The following HS3ST4 variants were observed in gnomAD, a reference collection of about 807,000 sequenced individuals.
HS3ST4 encodes heparan sulfate glucosamine 3-O-sulfotransferase 4.
Under a neutral mutation model 29.2 loss-of-function variants are expected in HS3ST4, and 17 were observed. The observed-to-expected ratio is 0.58, with a 90% CI of 0.40 to 0.87. The LOEUF is 0.87. Among genes scored for constraint, HS3ST4 ranks in the 40% least tolerant of loss-of-function variants. The pLI, the probability that HS3ST4 is intolerant of heterozygous loss-of-function variation, is 0.00. For synonymous variants in HS3ST4, 314 were observed against 285.7 expected, an observed-to-expected ratio of 1.10 and a Z score of -1.00; for missense variants, 627 against 634.5, an observed-to-expected ratio of 0.99 and a Z score of 0.13.
intron 1 of HS3ST4, among the ~76,000 whole-genome samples, chr16:25,879,754 T>C (rs1967874345): frequency 6.6e-6 from 1 of 152,156 alleles, no homozygotes; most frequent in Non-Finnish European, 1.5e-5. Context: ...AAGTTGCTAA[T>C]AAACACATAC....
At chr16:25,874,965 A>T (rs1967814364) in intron 1 of HS3ST4, among the ~76,000 whole-genome samples, 1 of 152,172 alleles carries the variant, frequency 6.6e-6, no homozygotes, top group Non-Finnish European at 1.5e-5. Context: ...TAAAAGAATT[A>T]AACACAATTG....
intron 1 of HS3ST4, among the ~76,000 whole-genome samples, chr16:25,807,894 G>A (rs1451046186): frequency 6.6e-6 from 1 of 152,034 alleles, no homozygotes; most frequent in Admixed American, 6.6e-5. Flanking sequence ...TTTTCTAATG[G>A]CTAATGCGGT....
intron 1 of HS3ST4, among the ~76,000 whole-genome samples, chr16:26,021,728 A>G (rs965409303): frequency 2.0e-5 from 3 of 149,956 alleles, no homozygotes; most frequent in Non-Finnish European, 3.0e-5. Flanking sequence ...CAGTGGTGCG[A>G]TCTCAGCTCA....
intron 1 of HS3ST4, among the ~76,000 whole-genome samples, chr16:25,916,974 C>T (rs888646382): frequency 3.9e-5 from 6 of 152,266 alleles, no homozygotes; most frequent in African/African-American, 1.4e-4. Context: ...CCACCACGCC[C>T]TGCCTCGAAT....
intron 1 of HS3ST4, among the ~76,000 whole-genome samples, chr16:26,093,261 A>G (rs9929044): frequency 0.54 from 81,913 of 152,044 alleles, 22,779 homozygotes; most frequent in African/African-American, 0.67. Flanking sequence ...GCGTTTGAGC[A>G]CTGAGAACGG....
intron 1 of HS3ST4, among the ~76,000 whole-genome samples, chr16:25,917,805 A>G (rs1968307026): frequency 6.6e-6 from 1 of 152,232 alleles, no homozygotes; most frequent in South Asian, 2.1e-4. Flanking sequence ...TGTAATCTGC[A>G]ACTGTTTCCT....
At chr16:25,696,774 C>T (rs139687018) in intron 1 of HS3ST4, among the ~76,000 whole-genome samples, 87 of 152,318 alleles carry the variant, frequency 5.7e-4, no homozygotes, top group South Asian at 1.2e-3. Context: ...TGCTCAGCAG[C>T]ATATTTTGCA....
At chr16:25,900,546 T>C (rs1273913956) in intron 1 of HS3ST4, among the ~76,000 whole-genome samples, 1 of 152,194 alleles carries the variant, frequency 6.6e-6, no homozygotes, top group African/African-American at 2.4e-5. Context: ...CAGGGTGTTA[T>C]TTGGATCCTC....
intron 1 of HS3ST4, among the ~76,000 whole-genome samples, chr16:25,865,746 A>G (rs1967687463): frequency 6.6e-6 from 1 of 152,186 alleles, no homozygotes; most frequent in African/African-American, 2.4e-5. Flanking sequence ...TCATTGCATA[A>G]TGTTGGGAAA....
chr16:25,913,465 C>T (rs1469861408), intron 1 of HS3ST4, among the ~76,000 whole-genome samples: 2 of 152,216 alleles, frequency 1.3e-5, no homozygotes, highest in Non-Finnish European at 2.9e-5. Flanking sequence ...TTCTTGGCCT[C>T]CAAAACTGTG....
intron 1 of HS3ST4, among the ~76,000 whole-genome samples, chr16:25,738,236 CT>C: frequency 6.6e-6 from 1 of 152,150 alleles, no homozygotes; most frequent in Non-Finnish European, 1.5e-5. Context: ...TGCTCATCCT[CT>C]GTCTCCTACG....
intron 1 of HS3ST4, among the ~76,000 whole-genome samples, chr16:25,880,903 G>A (rs1323672894): frequency 6.6e-6 from 1 of 152,198 alleles, no homozygotes; most frequent in African/African-American, 2.4e-5. Flanking sequence ...CAGTGGTTTT[G>A]TGGGAGGATG....
At chr16:25,941,566 G>GTATTTT (rs1249945127) in intron 1 of HS3ST4, among the ~76,000 whole-genome samples, 2 of 151,484 alleles carry the variant, frequency 1.3e-5, no homozygotes, top group African/African-American at 4.9e-5. Flanking sequence ...TTTTTGCTTC[G>GTATTTT]TTTTTGTTTT....
intron 1 of HS3ST4, among the ~76,000 whole-genome samples, chr16:26,000,540 C>T (rs1006429429): frequency 2.6e-5 from 4 of 152,068 alleles, no homozygotes; most frequent in South Asian, 2.1e-4. Context: ...TAATGATATC[C>T]GTGGAACCAG....
intron 1 of HS3ST4, among the ~76,000 whole-genome samples, chr16:26,125,852 T>A (rs113463745): frequency 6.6e-6 from 1 of 152,230 alleles, no homozygotes; most frequent in African/African-American, 2.4e-5. Context: ...CTTGCACTTG[T>A]CTTTAAATGT....
intron 1 of HS3ST4, among the ~76,000 whole-genome samples, chr16:25,718,440 T>C (rs951172160): frequency 6.6e-6 from 1 of 152,098 alleles, no homozygotes; most frequent in Non-Finnish European, 1.5e-5. Flanking sequence ...TGGTCATTTC[T>C]TACCTATGGA....
chr16:25,887,570 T>C (rs1967966693), intron 1 of HS3ST4, among the ~76,000 whole-genome samples: 1 of 152,136 alleles, frequency 6.6e-6, no homozygotes, highest in South Asian at 2.1e-4. Context: ...CTTCTGCAAC[T>C]GGGAGCCGCC....
rs542773172 is a variant in HS3ST4 at position 26,066,538 on chromosome 16, CTCT to C, written c.735-69069_735-69067del. On this transcript the variant is annotated intron_variant, in intron 1 of 1. Transcript: ENST00000331351. ...TTCCTTCTTCTTTCCTTCTCTCCCT[CTCT>C]TCTTTTCTTCCTCTTTCCATCTACT... is the stretch of plus-strand genomic sequence containing the variant. Among the ~76,000 whole-genome samples, 291 of 152,318 alleles carry C rather than the reference CTCT, an allele frequency of 1.9e-3. 4 individuals carry two copies. Among genetic ancestry groups the C allele is most frequent in the Admixed American group, 2.8e-3 (43 of 15,300 alleles).
chr16:25,867,418 T>C (rs1435343730), intron 1 of HS3ST4, among the ~76,000 whole-genome samples: 1 of 152,160 alleles, frequency 6.6e-6, no homozygotes, highest in Non-Finnish European at 1.5e-5. Context: ...AAACTCTCCC[T>C]AAGAGGAGGG....
Sources: gnomAD v4.1 joint callset for allele counts (sites outside exome capture counted in the v4.1 genomes callset) on GRCh38, gnomAD v4.1.1 for gene constraint, MANE v1.5 for transcripts, NCBI Gene and HGNC (gene_info 2026-07-23, HGNC 2026-07-21) for gene names.